LRRIQ1: variants seen among roughly 807,000 people sequenced by gnomAD.
LRRIQ1 encodes the protein leucine rich repeats and IQ motif containing 1, also known as leucine-rich repeat- and IQ domain-containing protein 1.
LRRIQ1 carries 210 observed loss-of-function variants against 211.9 expected under a neutral mutation model. The ratio of observed to expected loss-of-function variants is 0.99; its 90% confidence interval spans 0.89 to 1.11. The LOEUF is 1.11. LRRIQ1 is among the 50% of genes most tolerant of loss of function. LRRIQ1 has a pLI of 0.00. For synonymous variants in LRRIQ1, 699 were observed against 650.1 expected, an observed-to-expected ratio of 1.08 and a Z score of -1.14; for missense variants, 2,136 against 1,939.5, an observed-to-expected ratio of 1.10 and a Z score of -1.90.
At chr12:85,137,800 T>G in intron 18 of LRRIQ1, 50 bp from the exon 19 acceptor site, 1 of 1,485,402 alleles carries the variant, frequency 6.7e-7, no homozygotes, top group Non-Finnish European at 9.0e-7. Context: ...ATAATCTGGT[T>G]TAGGGTTTGA....
At position 85,039,385 on chromosome 12, in the gene LRRIQ1, G is replaced by A. The variant is rs10082800; in HGVS notation, c.132+1077G>A. ...ACATAACAACAATCTCTACAATCCA[G>A]GTAGCTTAGAATTCTATTTCTTAGT... On this transcript the variant is annotated intron_variant, in intron 2 of 26. Coordinates refer to ENST00000393217, the MANE Select transcript of LRRIQ1 (RefSeq NM_001079910.2). Among the ~76,000 whole-genome samples, 479 of 151,500 alleles carry A rather than the reference G, an allele frequency of 3.2e-3. 5 individuals are homozygous for A. Among genetic ancestry groups the A allele is most frequent in the African/African-American group, 0.011 (444 of 41,486 alleles).
intron 24 of LRRIQ1, among the ~76,000 whole-genome samples, chr12:85,211,947 G>C (rs192463848): frequency 1.3e-5 from 2 of 152,192 alleles, no homozygotes; most frequent in East Asian, 3.9e-4. Flanking sequence ...TGCTCTAAGT[G>C]ATCAGATAAA....
chr12:85,131,683 A>T (rs1386902199), intron 18 of LRRIQ1, among the ~76,000 whole-genome samples: 1 of 152,136 alleles, frequency 6.6e-6, no homozygotes, highest in African/African-American at 2.4e-5. Flanking sequence ...TAGGGGTAAC[A>T]TGGTGAGAGA....
intron 10 of LRRIQ1, among the ~76,000 whole-genome samples, chr12:85,070,906 C>T (rs1883011053): frequency 6.6e-6 from 1 of 151,904 alleles, no homozygotes; most frequent in Non-Finnish European, 1.5e-5. Flanking sequence ...GATTTATTTA[C>T]ATTTTTTGTC....
chr12:85,055,999 G>GA lies in LRRIQ1; in HGVS notation c.1207dup (p.Ser403LysfsTer4). ...TAATAATAAGTAGTGCATTAAAGAA[G>GA]AGCGGATATAATAACAAACATTTAA... On this transcript the variant is annotated frameshift_variant, in exon 8 of 27. Transcript: ENST00000393217. LOFTEE classifies it high-confidence loss of function. The GA allele has an allele frequency of 1.2e-6, 2 of 1,608,576 alleles. No individual in the cohort carries two copies. The highest frequency in any genetic ancestry group is 1.7e-6 in the Non-Finnish European group (2 of 1,178,178).
At chr12:85,185,011 AAAG>A (rs1243135151) in intron 24 of LRRIQ1, among the ~76,000 whole-genome samples, 3 of 151,986 alleles carry the variant, frequency 2.0e-5, no homozygotes, top group Non-Finnish European at 2.9e-5. Flanking sequence ...TTATCAAACA[AAAG>A]AAATTCTCAG....
chr12:85,245,154 C>A, downstream of LRRIQ1: 1 of 656,964 alleles, frequency 1.5e-6, no homozygotes, highest in African/African-American at 1.9e-5. Flanking sequence ...ATATCTCCTG[C>A]CCCCCACACC....
chr12:85,076,047 A>G (rs1053924933), intron 11 of LRRIQ1, among the ~76,000 whole-genome samples: 1 of 152,124 alleles, frequency 6.6e-6, no homozygotes, highest in African/African-American at 2.4e-5. Context: ...TATACATTTC[A>G]TAATTAAGAT....
chr12:85,211,109 C>T (rs1364901184), intron 24 of LRRIQ1, among the ~76,000 whole-genome samples: 1 of 152,110 alleles, frequency 6.6e-6, no homozygotes, highest in Non-Finnish European at 1.5e-5. Context: ...AATTAGGAGT[C>T]TTGCTTCTTT....
At chr12:85,114,509 A>G (rs762279732) in intron 15 of LRRIQ1, among the ~76,000 whole-genome samples, 6 of 152,166 alleles carry the variant, frequency 3.9e-5, no homozygotes, top group Non-Finnish European at 8.8e-5. Flanking sequence ...TGCATGAAGC[A>G]TGAACACTTA....
At chr12:85,086,398 A>T (rs1384585220) in intron 11 of LRRIQ1, among the ~76,000 whole-genome samples, 1 of 151,924 alleles carries the variant, frequency 6.6e-6, no homozygotes, top group Non-Finnish European at 1.5e-5. Context: ...GTGGTTTAAA[A>T]GTGTGTAGCA....
In LRRIQ1 at chr12:85,114,881, A is replaced by G. The variant is rs188472673; in HGVS notation, c.3378-6816A>G. 7.2e-5 allele frequency among the ~76,000 whole-genome samples: 11 copies of G among 152,300 alleles called. No individual in the cohort carries two copies. The East Asian group carries it at 1.2e-3, about 16-fold the overall frequency. ...ATTTATTAATCAAAGGATCAACTCA[A>G]ACTTTAAGCAGTGTATTCCAATGAA... On this transcript the variant is annotated intron_variant, in intron 15 of 26. Transcript: ENST00000393217.
At chr12:85,118,499 G>GTT (rs71445022) in intron 15 of LRRIQ1, among the ~76,000 whole-genome samples, 13,981 of 127,626 alleles carry the variant, frequency 0.11, 894 homozygotes, top group East Asian at 0.23. Context: ...GAAAAACTAT[G>GTT]TTTTTTTTTT....
intron 1 of LRRIQ1, among the ~76,000 whole-genome samples, chr12:85,037,813 C>G (rs970791122): frequency 6.6e-6 from 1 of 152,048 alleles, no homozygotes; most frequent in African/African-American, 2.4e-5. Context: ...AACAACAACA[C>G]ATATTACATT....
intron 24 of LRRIQ1, 70 bp from the exon 25 acceptor site, chr12:85,229,447 C>T (rs1894825815): frequency 2.3e-6 from 3 of 1,282,694 alleles, no homozygotes; most frequent in East Asian, 5.0e-5. Flanking sequence ...ATGTTTAGCA[C>T]AGATGGAACT....
intron 18 of LRRIQ1, among the ~76,000 whole-genome samples, chr12:85,129,739 A>G (rs1888622049): frequency 6.6e-6 from 1 of 152,220 alleles, no homozygotes; most frequent in Non-Finnish European, 1.5e-5. Context: ...GGAGCAAAGT[A>G]GGATTTAAAA....
At chr12:85,192,087 C>T (rs537965416) in intron 24 of LRRIQ1, among the ~76,000 whole-genome samples, 1 of 151,714 alleles carries the variant, frequency 6.6e-6, no homozygotes, top group South Asian at 2.1e-4. Context: ...ATTATTCTGT[C>T]ACTCAGGTAA....
chr12:85,263,833 T>A (rs1896364607), exon 2 of LRRIQ1: 1 of 152,066 alleles, frequency 6.6e-6, no homozygotes. Context: ...CATTTTGTAA[T>A]ATTAACCTAT....
At chr12:85,075,356 A>G (rs1883529246) in intron 11 of LRRIQ1, among the ~76,000 whole-genome samples, 1 of 152,000 alleles carries the variant, frequency 6.6e-6, no homozygotes, top group South Asian at 2.1e-4. Flanking sequence ...GACTAGGTAA[A>G]AGAAAAGAGG....
Sources: gnomAD v4.1 joint callset for allele counts (sites outside exome capture counted in the v4.1 genomes callset) on GRCh38, gnomAD v4.1.1 for gene constraint, MANE v1.5 for transcripts, NCBI Gene and HGNC (gene_info 2026-07-23, HGNC 2026-07-21) for gene names.